SLC6A20: variants seen among roughly 807,000 people sequenced by gnomAD.
SLC6A20 encodes the protein sodium- and chloride-dependent transporter XTRP3.
Under a neutral mutation model 64.3 loss-of-function variants are expected in SLC6A20, and 73 were observed. The ratio of observed to expected loss-of-function variants is 1.14; its 90% CI spans 0.94 to 1.38. SLC6A20 has a LOEUF of 1.38. SLC6A20 is among the 40% of genes most tolerant of loss of function. The probability of loss-of-function intolerance (pLI) is 0.00; values close to 1 mark genes in which losing one functional copy is unlikely to be tolerated. For missense variants in SLC6A20, 725 were observed against 772.8 expected (o/e 0.94, Z 0.73); for synonymous variants, 347 against 329.6 (o/e 1.05, Z -0.57).
chr3:45,796,059 T>C (rs899523558), intron 1 of SLC6A20, among the ~76,000 whole-genome samples: 7 of 152,076 alleles, frequency 4.6e-5, no homozygotes, highest in African/African-American at 1.7e-4. Context: ...GGTTGGGGGC[T>C]TGGCCGCCCC....
chr3:45,781,341 A>G lies in SLC6A20; in HGVS notation c.262+742T>C, dbSNP rs1011662195. Among the ~76,000 whole-genome samples the G allele has an allele frequency of 4.6e-5, 7 of 152,120 alleles. No individual in the cohort carries two copies. The South Asian group carries it at 1.5e-3, about 32-fold the overall frequency. ...GCAACCAGGTCACATATAAGCTTCC[A>G]CCCTCTTTGCTCCTGAAACGTCACT... On this transcript the variant is annotated intron_variant, in intron 2 of 10. Transcript: ENST00000358525.
intron 7 of SLC6A20, among the ~76,000 whole-genome samples, chr3:45,769,327 C>A (rs1308079529): frequency 2.0e-5 from 3 of 151,760 alleles, no homozygotes; most frequent in African/African-American, 7.3e-5. Flanking sequence ...AAAATCAATG[C>A]AAGTCTAGTA....
Position 45,770,558 on chromosome 3 carries a change from G to A in SLC6A20, c.936-187C>T, listed in dbSNP as rs568397682. On this transcript the variant is annotated intron_variant, in intron 6 of 10. Transcript: ENST00000358525. The stretch of plus-strand genomic sequence containing the variant: ...CAGATATGAACAGTGATGACAACAG[G>A]CACCAAACTCACACAGCTAGGCTAT... 2.0e-5 allele frequency among the ~76,000 whole-genome samples: 3 copies of A among 152,250 alleles called. No homozygotes were observed. The East Asian group carries it at 5.8e-4, about 29-fold the overall frequency.
chr3:45,760,476 A>C (rs1319123060), intron 9 of SLC6A20, among the ~76,000 whole-genome samples: 1 of 141,336 alleles, frequency 7.1e-6, no homozygotes, highest in Non-Finnish European at 1.5e-5. Flanking sequence ...AACACCACGG[A>C]GCAGAATCAC....
chr3:45,792,385 A>T (rs150148822), intron 1 of SLC6A20, among the ~76,000 whole-genome samples: 1 of 152,298 alleles, frequency 6.6e-6, no homozygotes, highest in East Asian at 1.9e-4. Flanking sequence ...CTATCTGTAA[A>T]TGGGGGTGAC....
At chr3:45,764,742 A>G (rs960576223) in intron 8 of SLC6A20, among the ~76,000 whole-genome samples, 1 of 114,530 alleles carries the variant, frequency 8.7e-6, no homozygotes, top group Admixed American at 7.7e-5. Context: ...AACCCCTAAA[A>G]TGTAGAAGTC....
chr3:45,771,088 G>A (rs1464543168), intron 6 of SLC6A20, 129 bp downstream of exon 6: 2 of 1,352,358 alleles, frequency 1.5e-6, no homozygotes, highest in Non-Finnish European at 2.0e-6. Context: ...TGGTGGTGTA[G>A]GGAGTCCAAA....
chr3:45,794,514 G>C (rs141937646), intron 1 of SLC6A20, among the ~76,000 whole-genome samples: 12 of 152,272 alleles, frequency 7.9e-5, no homozygotes, highest in Admixed American at 7.8e-4. Context: ...TCCAGCCGAA[G>C]CATCCTCTGC....
At chr3:45,762,006 CT>C (rs1384492966) in intron 9 of SLC6A20, among the ~76,000 whole-genome samples, 1 of 152,176 alleles carries the variant, frequency 6.6e-6, no homozygotes, top group Non-Finnish European at 1.5e-5. Flanking sequence ...ATCAAAAAGA[CT>C]GGGGAAGAGG....
At chr3:45,770,072 T>C (rs1199195512) in intron 7 of SLC6A20, 137 bp downstream of exon 7, 1 of 1,146,776 alleles carries the variant, frequency 8.7e-7, no homozygotes, top group Non-Finnish European at 1.2e-6. Flanking sequence ...TCTCTTCCCC[T>C]TGGAGTTGCA....
At chr3:45,795,304 A>G (rs554615068) in intron 1 of SLC6A20, among the ~76,000 whole-genome samples, 1 of 150,082 alleles carries the variant, frequency 6.7e-6, no homozygotes, top group African/African-American at 2.5e-5. Context: ...TCCTCCCTCC[A>G]CTTAATACAG....
At chr3:45,762,823 T>C in intron 9 of SLC6A20, 90 bp downstream of exon 9, 1 of 1,517,786 alleles carries the variant, frequency 6.6e-7, no homozygotes, top group South Asian at 1.2e-5. Context: ...GAGGTGAAGA[T>C]GTGCATCAAG....
At chr3:45,778,223 T>C (rs1394950093) in intron 3 of SLC6A20, among the ~76,000 whole-genome samples, 1 of 152,200 alleles carries the variant, frequency 6.6e-6, no homozygotes, top group Non-Finnish European at 1.5e-5. Flanking sequence ...GCCAGGTCCC[T>C]GAGTCCAACC....
intron 7 of SLC6A20, among the ~76,000 whole-genome samples, chr3:45,767,651 T>C (rs996688053): frequency 3.3e-5 from 5 of 152,190 alleles, no homozygotes; most frequent in African/African-American, 1.2e-4. Flanking sequence ...GTATGAATTT[T>C]CCAAAACTGA....
Position 45,758,334 on chromosome 3 carries a change from G to T in SLC6A20, c.*644C>A. ...CTAATGTGGTTTGGGGTTGCAAACT[G>T]TAGTTGGGGCAATTTTTTGTAGAGA... On this transcript the variant is annotated 3_prime_UTR_variant, in exon 11 of 11. Coordinates refer to ENST00000358525, the MANE Select transcript of SLC6A20 (RefSeq NM_020208.4). 1.0e-6 allele frequency: 1 copy of T among 954,792 alleles called. No homozygotes were observed. Among genetic ancestry groups the T allele is most frequent in the Non-Finnish European group, 1.4e-6 (1 of 696,624 alleles). 59.1% of individuals were successfully genotyped at this position (954,792 alleles called of 1,614,324 possible). A position where few individuals can be genotyped will look rare whatever the true frequency, so the allele number is the denominator to read the frequency against.
At chr3:45,778,399 T>G (rs1700009394) in intron 3 of SLC6A20, among the ~76,000 whole-genome samples, 1 of 152,186 alleles carries the variant, frequency 6.6e-6, no homozygotes, top group Non-Finnish European at 1.5e-5. Flanking sequence ...TTCCTCTCAT[T>G]ATTATGGGAC....
chr3:45,794,093 T>G (rs543563855), intron 1 of SLC6A20, among the ~76,000 whole-genome samples: 33 of 152,160 alleles, frequency 2.2e-4, no homozygotes, highest in African/African-American at 7.5e-4. Flanking sequence ...GCCTGTGAAG[T>G]AGTGAGGAGA....
At chr3:45,780,238 T>G (rs1238316228) in intron 2 of SLC6A20, 138 bp from the exon 3 acceptor site, 1 of 707,674 alleles carries the variant, frequency 1.4e-6, no homozygotes. Flanking sequence ...GTTTGTGTGG[T>G]GAGTATTAAG....
At chr3:45,759,251 A>G (rs1029828104) in intron 10 of SLC6A20, 124 bp from the exon 11 acceptor site, 27 of 1,027,036 alleles carry the variant, frequency 2.6e-5, no homozygotes, top group Non-Finnish European at 3.7e-5. Context: ...CGGTGTCCTC[A>G]CTCCTGGGGC....
Sources: allele counts gnomAD v4.1 joint callset (sites outside exome capture counted in the v4.1 genomes callset), GRCh38; gene constraint gnomAD v4.1.1; transcripts MANE v1.5; gene names NCBI Gene and HGNC (gene_info 2026-07-23, HGNC 2026-07-21).